SUN5: variants seen among roughly 807,000 people sequenced by gnomAD.
The protein encoded by SUN5 is Sad1 and UNC84 domain containing 5.
A neutral mutation model predicts 53.7 loss-of-function variants in SUN5; 44 were observed. The observed-to-expected ratio is 0.82, with a 90% CI of 0.64 to 1.05. The LOEUF is 1.05. Ranked by LOEUF, SUN5 falls within the 50% of genes least tolerant of loss-of-function variation. The pLI is 0.00. For synonymous variants in SUN5, 166 were observed against 179.8 expected (o/e 0.92, Z 0.62); for missense variants, 433 against 483.8 (o/e 0.90, Z 0.98).
At chr20:33,002,760 C>T in intron 2 of SUN5, 99 bp from the exon 3 acceptor site, 2 of 1,597,558 alleles carry the variant, frequency 1.3e-6, no homozygotes, top group South Asian at 1.1e-5. Flanking sequence ...ACATCCCTGC[C>T]CCTGCCCCTT....
At chr20:32,986,387 G>A (rs1199591340) in intron 10 of SUN5, among the ~76,000 whole-genome samples, 1 of 152,198 alleles carries the variant, frequency 6.6e-6, no homozygotes, top group African/African-American at 2.4e-5. Context: ...TAAGCACCAC[G>A]ATCTCCTGCC....
In SUN5 at chr20:32,985,780, A is replaced by G. The variant is rs757904111; in HGVS notation, c.853T>C (p.Leu285=). 5 of 1,614,094 alleles carry G rather than the reference A, an allele frequency of 3.1e-6. No individual in the cohort carries two copies. The highest frequency in any genetic ancestry group is 1.7e-5 in the Admixed American group (1 of 60,010). Residue 285 remains leucine, a synonymous_variant, in exon 11 of 13, where the codon TTG becomes CTG. Coordinates refer to ENST00000356173, the MANE Select transcript of SUN5 (RefSeq NM_080675.4). ...TLQHIPKTIS[L]SGSLDTAPKD... ...GGGGCGGTGTCCAGGCTGCCTGACA[A>G]TGAGATGGTCTTGGGGATGTGCTGC...
At chr20:32,996,091 A>G (rs140408745) in intron 7 of SUN5, among the ~76,000 whole-genome samples, 5 of 152,300 alleles carry the variant, frequency 3.3e-5, no homozygotes, top group East Asian at 3.9e-4. Flanking sequence ...TTTAGCACCC[A>G]TAATTGCCAA....
intron 8 of SUN5, among the ~76,000 whole-genome samples, chr20:32,991,136 G>A (rs978829733): frequency 2.0e-5 from 3 of 152,076 alleles, no homozygotes; most frequent in African/African-American, 7.2e-5. Flanking sequence ...TTCCCTGATG[G>A]CCCCCACCCT....
chr20:32,999,797 G>C (rs1427260536), intron 5 of SUN5: 2 of 939,336 alleles, frequency 2.1e-6, no homozygotes, highest in Non-Finnish European at 3.2e-6. Flanking sequence ...TGCGAGGTGG[G>C]GGTGGTGGCT....
At position 33,004,350 on chromosome 20, in the gene SUN5, T is replaced by G. The variant is rs1990130851; in HGVS notation, c.-10A>C. ...TTGAGGACCGTGGCATCGATTTCCT[T>G]CTTTAGGATTGGGGATGGAGATGGG... On this transcript the variant is annotated 5_prime_UTR_variant, in exon 1 of 13. Coordinates refer to ENST00000356173, the MANE Select transcript of SUN5 (RefSeq NM_080675.4). The G allele has an allele frequency of 6.4e-7, 1 of 1,552,928 alleles. No homozygotes were observed. The highest frequency in any genetic ancestry group is 1.4e-5 in the African/African-American group (1 of 73,328).
chr20:32,989,075 A>G (rs967044982), intron 9 of SUN5, among the ~76,000 whole-genome samples: 3 of 151,830 alleles, frequency 2.0e-5, no homozygotes, highest in Non-Finnish European at 4.4e-5. Flanking sequence ...ACAGGCGCCC[A>G]CCACCACGCT....
chr20:32,999,790 G>A (rs190098), intron 5 of SUN5: 315,035 of 873,682 alleles, frequency 0.36, 61,635 homozygotes, highest in East Asian at 0.76. Flanking sequence ...TGTGTTGTGC[G>A]AGGTGGGGGT....
Position 33,001,230 on chromosome 20 carries a change from A to G in SUN5, c.260T>C (p.Val87Ala). 1 of 1,576,400 alleles carries G rather than the reference A, an allele frequency of 6.3e-7. No individual in the cohort carries two copies. The highest frequency in any genetic ancestry group is 8.6e-7 in the Non-Finnish European group (1 of 1,158,622). ...ACSLRTQAQQ[V>A]LFNTCRCKLL... The stretch of plus-strand genomic sequence containing the variant: ...TGCTCACCTGCACGTGTTAAACAGA[A>G]CCTGCTGGGCCTGAGTTCTCAGGGA... Residue 87 changes from valine (V) to alanine (A), a missense_variant, in exon 4 of 13, where the codon GTT becomes GCT. Physicochemically the swap from Val to Ala is moderately conservative, Grantham distance 64. Transcript: ENST00000356173.
At chr20:33,001,519 C>CTTCT (rs112468655) in intron 3 of SUN5, among the ~76,000 whole-genome samples, 12,674 of 121,120 alleles carry the variant, frequency 0.1, 1,002 homozygotes, top group East Asian at 0.21. Context: ...TTCTTTCTTT[C>CTTCT]TTCTTTCTTT....
chr20:33,000,043 A>C (rs1305228579), intron 5 of SUN5, 31 bp downstream of exon 5: 5 of 1,601,284 alleles, frequency 3.1e-6, no homozygotes, highest in Middle Eastern at 1.7e-4. Context: ...GGATACCTCC[A>C]CCTGGGACTG....
intron 5 of SUN5, 78 bp downstream of exon 5, chr20:32,999,996 T>G (rs1989959085): frequency 6.4e-7 from 1 of 1,568,108 alleles, no homozygotes; most frequent in East Asian, 2.3e-5. Flanking sequence ...CAGTGCAGTG[T>G]CTTGCCCAGT....
intron 5 of SUN5, chr20:32,999,703 C>A: frequency 2.0e-4 from 90 of 446,198 alleles, no homozygotes; most frequent in East Asian, 6.6e-4. Context: ...TCCCTCCCTA[C>A]CCCACCCCCA....
chr20:32,984,436 C>G (rs576603541), intron 12 of SUN5, among the ~76,000 whole-genome samples: 1 of 152,232 alleles, frequency 6.6e-6, no homozygotes, highest in African/African-American at 2.4e-5. Flanking sequence ...GGGGGTGGAG[C>G]CTGTGTTTAT....
At position 32,990,939 on chromosome 20, in the gene SUN5, G is replaced by T. The variant is rs542901551; in HGVS notation, c.535-1241C>A. Reference sequence around the variant, plus strand: ...AATGGTAACTAGAACAATAGCCAGGGTGTTACAAGGCAGTGATTATGATTC... The same window carrying T: ...AATGGTAACTAGAACAATAGCCAGGTTGTTACAAGGCAGTGATTATGATTC... On this transcript the variant is annotated intron_variant, in intron 8 of 12. Transcript: ENST00000356173. 9.8e-5 allele frequency among the ~76,000 whole-genome samples: 15 copies of T among 152,312 alleles called. No individual in the cohort carries two copies. In the South Asian group the frequency reaches 3.1e-3, roughly 32 times the overall value.
In SUN5 at chr20:33,002,965, C is replaced by T. The variant is rs753286040; in HGVS notation, c.78-46G>A. 6 of 1,607,444 alleles carry T rather than the reference C, an allele frequency of 3.7e-6. No homozygotes were observed. The South Asian group carries it at 4.4e-5, about 12-fold the overall frequency. The stretch of plus-strand genomic sequence containing the variant: ...AGTCGCATTTTACAATTATGAGGAA[C>T]ATAGTGTCCTTGGAATGTGCATACC... On this transcript the variant is annotated intron_variant, in intron 1 of 12. Transcript: ENST00000356173.
intron 8 of SUN5, among the ~76,000 whole-genome samples, chr20:32,990,715 C>T (rs1204799518): frequency 2.6e-5 from 4 of 152,210 alleles, no homozygotes; most frequent in Non-Finnish European, 5.9e-5. Flanking sequence ...TCTCCAGTCA[C>T]GTGAGTGAAT....
chr20:33,000,591 G>A (rs1243478893), intron 4 of SUN5, among the ~76,000 whole-genome samples: 3 of 152,186 alleles, frequency 2.0e-5, no homozygotes, highest in Non-Finnish European at 4.4e-5. Context: ...GGTGGCTCAT[G>A]CCTGTAATCC....
chr20:32,993,663 G>A (rs931283686), intron 8 of SUN5, among the ~76,000 whole-genome samples: 1 of 152,134 alleles, frequency 6.6e-6, no homozygotes, highest in Admixed American at 6.5e-5. Context: ...GGAGGGCACC[G>A]CAAAACACAA....
Sources: allele counts gnomAD v4.1 joint callset (sites outside exome capture counted in the v4.1 genomes callset), GRCh38; gene constraint gnomAD v4.1.1; transcripts MANE v1.5; gene names NCBI Gene and HGNC (gene_info 2026-07-23, HGNC 2026-07-21).